PTPRD: variants seen among roughly 807,000 people sequenced by gnomAD.
PTPRD encodes the protein protein tyrosine phosphatase receptor type D, also known as receptor-type tyrosine-protein phosphatase delta.
In PTPRD, 34 loss-of-function variants were observed where a neutral mutation model predicts 214.5. That is an observed-to-expected ratio of 0.16 (90% CI 0.12 to 0.21). The LOEUF (loss-of-function observed/expected upper bound fraction) is 0.21. PTPRD is among the 10% of genes least tolerant of loss of function. The pLI, the probability that PTPRD is intolerant of heterozygous loss-of-function variation, is 1.00. For synonymous variants in PTPRD, 1,128 were observed against 845.7 expected (o/e 1.33, Z -5.79); for missense variants, 2,545 against 2,398.7 (o/e 1.06, Z -1.27).
chr9:10,536,910 G>A (rs147858708), intron 2 of PTPRD, among the ~76,000 whole-genome samples: 27 of 152,194 alleles, frequency 1.8e-4, no homozygotes, highest in African/African-American at 6.3e-4. Flanking sequence ...AGCTATTAGA[G>A]TTTCACCTAA....
intron 44 of PTPRD, among the ~76,000 whole-genome samples, chr9:8,325,476 G>C (rs1002736897): frequency 5.4e-5 from 8 of 148,970 alleles, no homozygotes; most frequent in African/African-American, 2.0e-4. Flanking sequence ...CCAGTACCAT[G>C]CTGTTTTGGT....
chr9:8,972,464 T>C (rs772766915), intron 11 of PTPRD, among the ~76,000 whole-genome samples: 1 of 151,618 alleles, frequency 6.6e-6, no homozygotes, highest in Non-Finnish European at 1.5e-5. Flanking sequence ...AGAATACATT[T>C]ACAATTAGGA....
At chr9:9,000,494 C>T (rs553853105) in intron 11 of PTPRD, among the ~76,000 whole-genome samples, 1 of 151,932 alleles carries the variant, frequency 6.6e-6, no homozygotes, top group Non-Finnish European at 1.5e-5. Context: ...CTTTAAGAAA[C>T]TTTAACCTAT....
Position 10,028,833 on chromosome 9 carries a change from C to T in PTPRD, c.-472+4885G>A, listed in dbSNP as rs189972588. Among the ~76,000 whole-genome samples, 8 of 152,326 alleles carry T rather than the reference C, an allele frequency of 5.3e-5. No homozygotes were observed. The East Asian group carries it at 1.4e-3, about 26-fold the overall frequency. ...AGGAGAAATTCAAGTCGGCTGCAGACATTTGCATAAGTAATGAGGATTCAA... is the reference window on the plus strand; with the variant it reads ...AGGAGAAATTCAAGTCGGCTGCAGATATTTGCATAAGTAATGAGGATTCAA... On this transcript the variant is annotated intron_variant, in intron 4 of 45. Coordinates refer to ENST00000381196, the MANE Select transcript of PTPRD (RefSeq NM_002839.4).
At chr9:9,598,736 T>C (rs1451271979) in intron 7 of PTPRD, among the ~76,000 whole-genome samples, 2 of 152,092 alleles carry the variant, frequency 1.3e-5, no homozygotes, top group South Asian at 2.1e-4. Flanking sequence ...TAACTTTTAA[T>C]GCCTTTCCCT....
chr9:10,570,968 C>G (rs760984443), intron 2 of PTPRD, among the ~76,000 whole-genome samples: 3 of 151,592 alleles, frequency 2.0e-5, no homozygotes, highest in Non-Finnish European at 4.4e-5. Flanking sequence ...ATGAAGGCCT[C>G]AAACCCATAA....
At chr9:9,435,421 G>T (rs925321114) in intron 8 of PTPRD, among the ~76,000 whole-genome samples, 1 of 150,808 alleles carries the variant, frequency 6.6e-6, no homozygotes, top group Non-Finnish European at 1.5e-5. Context: ...CTACTCAGGA[G>T]GATCCCTCGA....
chr9:8,945,070 G>T (rs1396364617), intron 11 of PTPRD, among the ~76,000 whole-genome samples: 2 of 151,736 alleles, frequency 1.3e-5, no homozygotes, highest in South Asian at 2.1e-4. Context: ...TTTTTAAAAA[G>T]AAAATTACAA....
At chr9:8,820,789 A>C (rs1355794002) in intron 11 of PTPRD, among the ~76,000 whole-genome samples, 1 of 152,196 alleles carries the variant, frequency 6.6e-6, no homozygotes, top group Non-Finnish European at 1.5e-5. Flanking sequence ...CAAGACTCAA[A>C]GAGTAGAGTC....
At chr9:10,477,631 G>T (rs150908992) in intron 2 of PTPRD, among the ~76,000 whole-genome samples, 1 of 152,050 alleles carries the variant, frequency 6.6e-6, no homozygotes, top group African/African-American at 2.4e-5. Flanking sequence ...CCATTACTGG[G>T]TATATACCCA....
chr9:10,380,655 G>A (rs1034157318), intron 2 of PTPRD, among the ~76,000 whole-genome samples: 7 of 152,016 alleles, frequency 4.6e-5, no homozygotes, highest in Admixed American at 4.6e-4. Flanking sequence ...CATTAGTGGA[G>A]TATTCTGAAG....
At chr9:10,551,533 A>G (rs1174822877) in intron 2 of PTPRD, among the ~76,000 whole-genome samples, 1 of 152,094 alleles carries the variant, frequency 6.6e-6, no homozygotes, top group East Asian at 1.9e-4. Context: ...ATGAATGGGA[A>G]TTGTGCCTTT....
At chr9:8,718,000 G>A (rs981138208) in intron 12 of PTPRD, among the ~76,000 whole-genome samples, 15 of 152,128 alleles carry the variant, frequency 9.9e-5, no homozygotes, top group African/African-American at 3.4e-4. Flanking sequence ...TAACTCAAAT[G>A]CCTGCAACAT....
At chr9:9,261,646 ACG>A (rs1491265877) in intron 9 of PTPRD, among the ~76,000 whole-genome samples, 1 of 95,722 alleles carries the variant, frequency 1.0e-5, no homozygotes, top group African/African-American at 4.3e-5. Flanking sequence ...ATGTGCATGC[ACG>A]TGTGTGTGTG....
chr9:9,716,884 G>A (rs2097845399), intron 7 of PTPRD, among the ~76,000 whole-genome samples: 1 of 151,980 alleles, frequency 6.6e-6, no homozygotes. Context: ...TTTGGCTTTT[G>A]TTGCCATTGC....
intron 5 of PTPRD, among the ~76,000 whole-genome samples, chr9:9,841,455 A>T (rs1399653121): frequency 6.6e-6 from 1 of 152,172 alleles, no homozygotes; most frequent in Non-Finnish European, 1.5e-5. Flanking sequence ...TACATGAGAT[A>T]ATCCATGAAG....
At chr9:8,923,763 C>T (rs754058318) in intron 11 of PTPRD, among the ~76,000 whole-genome samples, 98 of 152,256 alleles carry the variant, frequency 6.4e-4, no homozygotes, top group Admixed American at 1.3e-3. Context: ...ACCTACCAAA[C>T]GGCAATGAAC....
intron 5 of PTPRD, among the ~76,000 whole-genome samples, chr9:9,838,202 T>C (rs2057351913): frequency 1.3e-5 from 2 of 152,222 alleles, no homozygotes. Context: ...AAGTCTTTGC[T>C]ATTGTGAATA....
chr9:9,386,014 G>C (rs2063758872), intron 9 of PTPRD, among the ~76,000 whole-genome samples: 1 of 152,082 alleles, frequency 6.6e-6, no homozygotes, highest in Non-Finnish European at 1.5e-5. Context: ...CAGAAGCCCA[G>C]TATGGCCTGC....
Sources: gnomAD v4.1 joint callset for allele counts (sites outside exome capture counted in the v4.1 genomes callset) on GRCh38, gnomAD v4.1.1 for gene constraint, MANE v1.5 for transcripts, NCBI Gene and HGNC (gene_info 2026-07-23, HGNC 2026-07-21) for gene names.